PAQR5: variants seen among roughly 807,000 people sequenced by gnomAD.
The protein encoded by PAQR5 is membrane progestin receptor gamma.
Under a neutral mutation model 34.5 loss-of-function variants are expected in PAQR5, and 20 were observed. That is an observed-to-expected ratio of 0.58 (90% CI 0.41 to 0.84). The LOEUF (loss-of-function observed/expected upper bound fraction) is 0.84. PAQR5 is among the 40% of genes least tolerant of loss of function. The pLI is 0.00. For synonymous variants in PAQR5, 131 were observed against 155.6 expected (o/e 0.84, Z 1.18); for missense variants, 378 against 412.7 (o/e 0.92, Z 0.73).
chr15:69,341,938 A>AAG, intron 2 of PAQR5, among the ~76,000 whole-genome samples: 1 of 151,560 alleles, frequency 6.6e-6, no homozygotes, highest in East Asian at 1.9e-4. Flanking sequence ...AAAAAAAAAA[A>AAG]AAAAACTGTT....
In PAQR5 at chr15:69,322,747, A is replaced by G. The variant is rs1383072535; in HGVS notation, c.-276-14594A>G. Among the ~76,000 whole-genome samples, 354 of 40,630 alleles carry G rather than the reference A, an allele frequency of 8.7e-3. 29 individuals carry two copies. Among genetic ancestry groups the G allele is most frequent in the African/African-American group, 0.012 (145 of 12,438 alleles). 26.7% of individuals were successfully genotyped at this position (40,630 alleles called of 152,430 possible). Reference sequence around the variant, plus strand: ...GAAGAAGAAGAAGAAGAAGAAGAAGAAGAAGAAGAAGAAGAAGAAGAAGAG... The same window carrying G: ...GAAGAAGAAGAAGAAGAAGAAGAAGGAGAAGAAGAAGAAGAAGAAGAAGAG... On this transcript the variant is annotated intron_variant, in intron 1 of 8. Coordinates refer to ENST00000395407, the MANE Select transcript of PAQR5 (RefSeq NM_017705.4).
At chr15:69,381,495 T>A (rs2055883038) in intron 4 of PAQR5, among the ~76,000 whole-genome samples, 1 of 152,194 alleles carries the variant, frequency 6.6e-6, no homozygotes, top group Non-Finnish European at 1.5e-5. Context: ...GCTAAAAGGG[T>A]ACCAGCCTGT....
At chr15:69,309,646 G>T (rs1019637196) in intron 1 of PAQR5, among the ~76,000 whole-genome samples, 6 of 152,002 alleles carry the variant, frequency 3.9e-5, no homozygotes, top group Non-Finnish European at 8.8e-5. Flanking sequence ...TAGAAAAGAC[G>T]TATACAGATT....
chr15:69,377,782 A>G (rs192148385), intron 3 of PAQR5, among the ~76,000 whole-genome samples: 12 of 152,160 alleles, frequency 7.9e-5, no homozygotes, highest in Admixed American at 7.9e-4. Context: ...TTACTCTGGC[A>G]GCCCCTCACC....
At chr15:69,311,537 T>C (rs141010187) in intron 1 of PAQR5, among the ~76,000 whole-genome samples, 4 of 152,312 alleles carry the variant, frequency 2.6e-5, no homozygotes, top group African/African-American at 9.6e-5. Context: ...CTGAATCACT[T>C]CCTTATCTAA....
At position 69,333,185 on chromosome 15, in the gene PAQR5, C is replaced by G. The variant is rs542782103; in HGVS notation, c.-276-4156C>G. Among the ~76,000 whole-genome samples, 126 of 151,916 alleles carry G rather than the reference C, an allele frequency of 8.3e-4. 1 individual carries two copies. The highest frequency in any genetic ancestry group is 1.3e-3 in the Non-Finnish European group (91 of 67,998). On this transcript the variant is annotated intron_variant, in intron 1 of 8. Transcript: ENST00000395407. ...CACATGAGAGGCCCTAAGATAACTT[C>G]TGGTAGCCTGGGACTCCTTGGGAAA...
chr15:69,305,522 G>C (rs763483381), intron 1 of PAQR5, among the ~76,000 whole-genome samples: 2 of 152,066 alleles, frequency 1.3e-5, no homozygotes, highest in Non-Finnish European at 1.5e-5. Context: ...GTGGGGCGAG[G>C]CTCGGAGTGA....
At chr15:69,300,393 C>T (rs975669007) in intron 1 of PAQR5, among the ~76,000 whole-genome samples, 22 of 152,234 alleles carry the variant, frequency 1.4e-4, no homozygotes, top group African/African-American at 5.3e-4. Flanking sequence ...AACAGCAAAG[C>T]TTCTTTTCCA....
intron 3 of PAQR5, among the ~76,000 whole-genome samples, chr15:69,374,140 G>A (rs1318139229): frequency 6.6e-6 from 1 of 152,046 alleles, no homozygotes; most frequent in Admixed American, 6.5e-5. Flanking sequence ...TCACAGCAAT[G>A]TTGTAAATTG....
chr15:69,315,858 T>C (rs919728972), intron 1 of PAQR5, among the ~76,000 whole-genome samples: 1 of 152,064 alleles, frequency 6.6e-6, no homozygotes, highest in Non-Finnish European at 1.5e-5. Flanking sequence ...CTCCAGCCCC[T>C]CCACTGTCAT....
chr15:69,346,903 G>A (rs572378280), intron 2 of PAQR5, among the ~76,000 whole-genome samples: 123 of 151,978 alleles, frequency 8.1e-4, no homozygotes, highest in African/African-American at 2.8e-3. Flanking sequence ...TGCAAACTCC[G>A]CCTCCTGGAT....
At chr15:69,344,628 C>T (rs2054722702) in intron 2 of PAQR5, among the ~76,000 whole-genome samples, 1 of 152,218 alleles carries the variant, frequency 6.6e-6, no homozygotes, top group African/African-American at 2.4e-5. Context: ...GTACTTGTGA[C>T]TTGGGACACA....
intron 6 of PAQR5, among the ~76,000 whole-genome samples, chr15:69,394,954 C>T (rs189617264): frequency 6.6e-6 from 1 of 152,326 alleles, no homozygotes; most frequent in Admixed American, 6.5e-5. Flanking sequence ...GGTCCGTTTG[C>T]CCCTGGGGAA....
intron 3 of PAQR5, among the ~76,000 whole-genome samples, chr15:69,367,888 G>A (rs139891624): frequency 1.4e-3 from 212 of 152,286 alleles, no homozygotes; most frequent in Non-Finnish European, 2.7e-3. Context: ...ATGGGAAAAG[G>A]AGGCTAGGAC....
At chr15:69,339,726 G>C (rs2054596054) in intron 2 of PAQR5, among the ~76,000 whole-genome samples, 1 of 152,184 alleles carries the variant, frequency 6.6e-6, no homozygotes, top group South Asian at 2.1e-4. Flanking sequence ...ACTCACCTGG[G>C]CCTCCCAAAG....
chr15:69,403,805 C>T lies in PAQR5; in HGVS notation c.976C>T (p.His326Tyr). Residue 326 changes from histidine to tyrosine, a missense_variant, in exon 9 of 9, where the codon CAT becomes TAT. Coordinates refer to ENST00000395407, the MANE Select transcript of PAQR5 (RefSeq NM_017705.4). ...GTATCGGATTCCCAAGCCAGAATTACATAAAAAAGAAACATGACTCAGACC... is the reference window on the plus strand; with the variant it reads ...GTATCGGATTCCCAAGCCAGAATTATATAAAAAAGAAACATGACTCAGACC... ...ALYRIPKPEL[H>Y]KKET is the part of the protein sequence containing the mutation. 1.9e-6 allele frequency: 3 copies of T among 1,613,832 alleles called. No homozygotes were observed. The highest frequency in any genetic ancestry group is 2.5e-6 in the Non-Finnish European group (3 of 1,179,902).
intron 1 of PAQR5, among the ~76,000 whole-genome samples, chr15:69,324,537 T>A (rs1178048117): frequency 1.3e-5 from 2 of 152,188 alleles, no homozygotes; most frequent in Non-Finnish European, 2.9e-5. Flanking sequence ...GAGCCAGGGT[T>A]TGAAATTAGG....
At chr15:69,352,066 G>A (rs547534861) in intron 2 of PAQR5, among the ~76,000 whole-genome samples, 7 of 152,306 alleles carry the variant, frequency 4.6e-5, no homozygotes, top group African/African-American at 1.4e-4. Flanking sequence ...TGCCACTTGG[G>A]TCATATGACC....
At position 69,399,463 on chromosome 15, in the gene PAQR5, G is replaced by GCTTC. The variant is rs533480770; in HGVS notation, c.610-509_610-506dup. ...TACTTGGCAGTTTGTTACAGGTAAG[G>GCTTC]CTTCCAGTCAACAGGAGGCTATTAG... is the stretch of plus-strand genomic sequence containing the variant. On this transcript the variant is annotated intron_variant, in intron 7 of 8. Coordinates refer to ENST00000395407, the MANE Select transcript of PAQR5 (RefSeq NM_017705.4). 2.5e-3 allele frequency among the ~76,000 whole-genome samples: 375 copies of GCTTC among 152,286 alleles called. 1 individual carries two copies. The highest frequency in any genetic ancestry group is 8.6e-3 in the African/African-American group (356 of 41,534).
Sources: gnomAD v4.1 joint callset for allele counts (sites outside exome capture counted in the v4.1 genomes callset) on GRCh38, gnomAD v4.1.1 for gene constraint, MANE v1.5 for transcripts, NCBI Gene and HGNC (gene_info 2026-07-23, HGNC 2026-07-21) for gene names.